STRA8: variants seen among roughly 807,000 people sequenced by gnomAD.
STRA8 encodes stimulated by retinoic acid 8.
In STRA8, 18 loss-of-function variants were observed where a neutral mutation model predicts 37.1. The ratio of observed to expected loss-of-function variants is 0.48; its 90% CI spans 0.34 to 0.72. The LOEUF is 0.72. Among genes scored for constraint, STRA8 ranks in the 30% least tolerant of loss-of-function variants. The probability of loss-of-function intolerance (pLI) is 0.01; values close to 1 mark genes in which losing one functional copy is unlikely to be tolerated. For synonymous variants in STRA8, 168 were observed against 162.9 expected (o/e 1.03, Z -0.24); for missense variants, 357 against 410.4 (o/e 0.87, Z 1.13).
chr7:135,252,257 A>G (rs1481082065), intron 7 of STRA8, among the ~76,000 whole-genome samples: 1 of 152,134 alleles, frequency 6.6e-6, no homozygotes, highest in Non-Finnish European at 1.5e-5. Context: ...AAACCTGTAT[A>G]TCCTCACATG....
chr7:135,258,510 G>A lies in STRA8; in HGVS notation c.*18G>A, dbSNP rs1412221226. On this transcript the variant is annotated 3_prime_UTR_variant, in exon 9 of 9. Coordinates refer to ENST00000662584, the MANE Select transcript of STRA8 (RefSeq NM_001394401.1). The stretch of plus-strand genomic sequence containing the variant: ...ATTTGTAATGCAGAAGAGGAGCTGC[G>A]AGGGGAGGGACTGAATGAGGTGGGC... The A allele has an allele frequency of 6.4e-6, 10 of 1,572,784 alleles. No individual in the cohort carries two copies. Among genetic ancestry groups the A allele is most frequent in the African/African-American group, 2.7e-5 (2 of 74,320 alleles).
chr7:135,245,417 A>AG lies in STRA8; in HGVS notation c.484dup (p.Glu162GlyfsTer31), dbSNP rs1562970843. ...AAGAAGAAGAGGAGGAGGAAGAAGA[A>AG]GAGGAGGAGGAGGAAGAGGAGGAAG... On this transcript the variant is annotated frameshift_variant, in exon 5 of 9. Coordinates refer to ENST00000662584, the MANE Select transcript of STRA8 (RefSeq NM_001394401.1). LOFTEE classifies it high-confidence loss of function. 40 of 719,564 alleles carry AG rather than the reference A, an allele frequency of 5.6e-5. No individual in the cohort carries two copies. The highest frequency in any genetic ancestry group is 4.7e-4 in the African/African-American group (27 of 57,270). 44.6% of individuals were successfully genotyped at this position (719,564 alleles called of 1,614,324 possible).
At chr7:135,244,350 G>A (rs1037244165) in intron 4 of STRA8, among the ~76,000 whole-genome samples, 2 of 152,144 alleles carry the variant, frequency 1.3e-5, no homozygotes, top group Non-Finnish European at 2.9e-5. Context: ...GAGCTACCAC[G>A]CCCAGCTGAG....
At chr7:135,257,907 A>G (rs539234693) in intron 8 of STRA8, among the ~76,000 whole-genome samples, 1 of 152,210 alleles carries the variant, frequency 6.6e-6, no homozygotes, top group African/African-American at 2.4e-5. Context: ...CACTCATCCA[A>G]AGATATTCTA....
intron 4 of STRA8, 34 bp downstream of exon 4, chr7:135,243,444 C>T: frequency 6.3e-7 from 1 of 1,593,462 alleles, no homozygotes; most frequent in Non-Finnish European, 8.6e-7. Context: ...AGCTGGGGAC[C>T]TGCTGTGTCC....
At chr7:135,253,817 A>G (rs551831873) in intron 7 of STRA8, among the ~76,000 whole-genome samples, 5 of 152,238 alleles carry the variant, frequency 3.3e-5, no homozygotes, top group African/African-American at 1.2e-4. Flanking sequence ...AGAATCCTGG[A>G]CATTTATTTT....
Position 135,246,607 on chromosome 7 carries a change from G to A in STRA8, c.784G>A (p.Ala262Thr). 6.6e-7 allele frequency: 1 copy of A among 1,510,934 alleles called. No individual in the cohort carries two copies. The highest frequency in any genetic ancestry group is 2.3e-4 in the Middle Eastern group (1 of 4,258). 93.6% of individuals were successfully genotyped at this position (1,510,934 alleles called of 1,614,324 possible). A position where few individuals can be genotyped will look rare whatever the true frequency, so the allele number is the denominator to read the frequency against. The change falls in exon 6 of 9, where the codon GCC becomes ACC. Residue 262 changes from alanine (A) to threonine (T), a missense_variant. Coordinates refer to ENST00000662584, the MANE Select transcript of STRA8 (RefSeq NM_001394401.1). This position sits in a 1 kb window ranked among gnomAD's most constrained non-coding sequence, Gnocchi z 5.4. ...KHRGPATLAE[A>T]CREPACAEGS... The stretch of plus-strand genomic sequence containing the variant: ...CCGCGGCCCTGCGACCCTGGCGGAG[G>A]CCTGCCGAGAGCCGGCCTGTGCCGA...
chr7:135,236,852 G>A (rs946836211), intron 1 of STRA8, among the ~76,000 whole-genome samples: 4 of 152,146 alleles, frequency 2.6e-5, no homozygotes, highest in Admixed American at 6.5e-5. Context: ...AGAATTCTTA[G>A]TGGTTTTAGT....
intron 2 of STRA8, 51 bp downstream of exon 2, chr7:135,240,767 T>A (rs923995119): frequency 3.1e-6 from 5 of 1,597,282 alleles, no homozygotes; most frequent in Non-Finnish European, 3.4e-6. Context: ...GAAGGAGACG[T>A]TTTCACAGGT....
Position 135,246,887 on chromosome 7 carries a change from C to G in STRA8, c.879+185C>G. 4 of 646,598 alleles carry G rather than the reference C, an allele frequency of 6.2e-6. No individual in the cohort carries two copies. Among genetic ancestry groups the G allele is most frequent in the Non-Finnish European group, 9.9e-6 (4 of 402,224 alleles). 40.1% of individuals were successfully genotyped at this position (646,598 alleles called of 1,614,324 possible). On this transcript the variant is annotated intron_variant, in intron 6 of 8. Transcript: ENST00000662584. This position sits in a 1 kb window ranked among gnomAD's most constrained non-coding sequence, Gnocchi z 5.4. The stretch of plus-strand genomic sequence containing the variant: ...TGAGACGGAGTCTCGCTCTGTCGCC[C>G]AGGCTGGAGTGCAGTGGCGCGATCT...
intron 8 of STRA8, among the ~76,000 whole-genome samples, chr7:135,256,190 A>G (rs1158078561): frequency 1.3e-5 from 2 of 152,212 alleles, no homozygotes; most frequent in Non-Finnish European, 2.9e-5. Context: ...AATAATAGCA[A>G]ATGTTTGTCT....
Position 135,249,887 on chromosome 7 carries a change from T to C in STRA8, c.880-1909T>C, listed in dbSNP as rs576805430. ...GGCCTATGGGCTGATGTTTGTTGGG[T>C]ATTAAGGGAAGCTGGCAGCAGATTC... On this transcript the variant is annotated intron_variant, in intron 6 of 8. Transcript: ENST00000662584. Among the ~76,000 whole-genome samples the C allele has an allele frequency of 2.5e-3, 385 of 152,288 alleles. 1 individual carries two copies. Among genetic ancestry groups the C allele is most frequent in the Non-Finnish European group, 4.8e-3 (326 of 68,014 alleles).
chr7:135,235,676 A>G (rs1224407127), intron 1 of STRA8, among the ~76,000 whole-genome samples: 1 of 152,180 alleles, frequency 6.6e-6, no homozygotes, highest in Non-Finnish European at 1.5e-5. Flanking sequence ...TCCTTACCTC[A>G]GGTGATTCAC....
At chr7:135,243,440 G>A (rs1414771290) in intron 4 of STRA8, 30 bp downstream of exon 4, 1 of 1,608,502 alleles carries the variant, frequency 6.2e-7, no homozygotes, top group Non-Finnish European at 8.5e-7. Context: ...AGGAAGCTGG[G>A]GACCTGCTGT....
chr7:135,240,658 C>T lies in STRA8; in HGVS notation c.134C>T (p.Ala45Val), dbSNP rs753234386. 1 of 1,614,106 alleles carries T rather than the reference C, an allele frequency of 6.2e-7. No homozygotes were observed. The highest frequency in any genetic ancestry group is 8.5e-7 in the Non-Finnish European group (1 of 1,180,024). Reference sequence around the variant, plus strand: ...GCCCGCCACCGAGCCACCCTGGCAGCGCTCTTCAACAACCTCAGGAAGACA... The same window carrying T: ...GCCCGCCACCGAGCCACCCTGGCAGTGCTCTTCAACAACCTCAGGAAGACA... ...SQARHRATLA[A>V]LFNNLRKTVY... Residue 45 changes from alanine to valine, a missense_variant, in exon 2 of 9, where the codon GCG (alanine) becomes GTG (valine). Coordinates refer to ENST00000662584, the MANE Select transcript of STRA8 (RefSeq NM_001394401.1).
At chr7:135,251,439 C>T (rs532184556) in intron 6 of STRA8, among the ~76,000 whole-genome samples, 7 of 152,234 alleles carry the variant, frequency 4.6e-5, no homozygotes, top group Middle Eastern at 3.4e-3. Flanking sequence ...ATAATCTGTG[C>T]GCCTTGGGAA....
chr7:135,240,459 C>T, intron 1 of STRA8, 60 bp from the exon 2 acceptor site: 1 of 1,554,652 alleles, frequency 6.4e-7, no homozygotes, highest in African/African-American at 1.4e-5. Flanking sequence ...CCTTCCTTTT[C>T]CTTTAATATT....
At chr7:135,251,511 G>A (rs528194607) in intron 6 of STRA8, among the ~76,000 whole-genome samples, 1 of 152,172 alleles carries the variant, frequency 6.6e-6, no homozygotes, top group Non-Finnish European at 1.5e-5. Context: ...TCACACCTGA[G>A]CTCCCACCTT....
At position 135,246,669 on chromosome 7, in the gene STRA8, G is replaced by C. The variant is rs760578280; in HGVS notation, c.846G>C (p.Gly282=). ...SVKDSGVDSQ[G]ASCSLVSTPE... is the part of the protein sequence containing the mutation. ...AGGACAGCGGCGTGGACAGCCAGGG[G>C]GCCAGCTGCTCGCTGGTCTCCACGC... The change falls in exon 6 of 9, where the codon GGG becomes GGC. Residue 282 remains glycine, a synonymous_variant. Coordinates refer to ENST00000662584, the MANE Select transcript of STRA8 (RefSeq NM_001394401.1). This position sits in a 1 kb window ranked among gnomAD's most constrained non-coding sequence, Gnocchi z 5.4. The C allele has an allele frequency of 1.3e-5, 20 of 1,531,114 alleles. No homozygotes were observed. In the African/African-American group the frequency reaches 2.6e-4, roughly 20 times the overall value. 94.8% of individuals were successfully genotyped at this position (1,531,114 alleles called of 1,614,324 possible). A position where few individuals can be genotyped will look rare whatever the true frequency, so the allele number is the denominator to read the frequency against.
Sources: gnomAD v4.1 joint callset for allele counts (sites outside exome capture counted in the v4.1 genomes callset) on GRCh38, gnomAD v4.1.1 for gene constraint, Gnocchi (gnomAD v3.1) non-coding constraint, MANE v1.5 for transcripts, NCBI Gene and HGNC (gene_info 2026-07-23, HGNC 2026-07-21) for gene names.